MYT1L: variants seen among roughly 807,000 people sequenced by gnomAD.
MYT1L encodes the protein myelin transcription factor 1-like protein.
Under a neutral mutation model 126.7 loss-of-function variants are expected in MYT1L, and 12 were observed. The ratio of observed to expected loss-of-function variants is 0.09; its 90% CI spans 0.06 to 0.15. MYT1L has a LOEUF of 0.15. Among genes scored for constraint, MYT1L ranks in the 10% least tolerant of loss-of-function variants. The pLI is 1.00. For missense variants in MYT1L, 979 were observed against 1,585.2 expected (o/e 0.62, Z 6.49); for synonymous variants, 541 against 604.2 (o/e 0.90, Z 1.53).
chr2:2,166,846 C>A (rs576049277), intron 3 of MYT1L, among the ~76,000 whole-genome samples: 14 of 152,246 alleles, frequency 9.2e-5, no homozygotes, highest in African/African-American at 3.1e-4. Flanking sequence ...CAAATACAAG[C>A]AAATACATAT....
intron 21 of MYT1L, among the ~76,000 whole-genome samples, chr2:1,835,841 A>G (rs899129297): frequency 6.6e-6 from 1 of 152,188 alleles, no homozygotes; most frequent in East Asian, 1.9e-4. Flanking sequence ...CAGCCAGCCC[A>G]TGGCAGGGCT....
At chr2:2,053,193 A>T (rs1356043619) in intron 4 of MYT1L, among the ~76,000 whole-genome samples, 1 of 152,182 alleles carries the variant, frequency 6.6e-6, no homozygotes, top group Non-Finnish European at 1.5e-5. Context: ...CACTCACATG[A>T]GGTAAGACTA....
chr2:1,955,658 C>T (rs1413566312), intron 8 of MYT1L, among the ~76,000 whole-genome samples: 16 of 152,144 alleles, frequency 1.1e-4, no homozygotes, highest in Admixed American at 9.8e-4. Flanking sequence ...GGATTAAGAA[C>T]GTTTGCTCCA....
chr2:1,863,930 C>T (rs1375011542), intron 18 of MYT1L, among the ~76,000 whole-genome samples: 2 of 152,182 alleles, frequency 1.3e-5, no homozygotes, highest in Non-Finnish European at 2.9e-5. Flanking sequence ...GAGGAAAGAA[C>T]GGCTGCCTTG....
chr2:2,200,492 G>A (rs995243563), intron 2 of MYT1L, among the ~76,000 whole-genome samples: 6 of 152,086 alleles, frequency 3.9e-5, no homozygotes, highest in Non-Finnish European at 7.3e-5. Flanking sequence ...CCTCCTACAC[G>A]ACTGCTGTGA....
chr2:2,250,416 A>G (rs1296321294), intron 2 of MYT1L, among the ~76,000 whole-genome samples: 1 of 152,216 alleles, frequency 6.6e-6, no homozygotes, highest in Non-Finnish European at 1.5e-5. Flanking sequence ...GCACAGAAAG[A>G]CAAACATTAC....
At chr2:1,911,271 A>G (rs2051929150) in intron 12 of MYT1L, among the ~76,000 whole-genome samples, 1 of 152,190 alleles carries the variant, frequency 6.6e-6, no homozygotes, top group South Asian at 2.1e-4. Flanking sequence ...ACAAGCAAAA[A>G]TTAGAGTGAA....
At chr2:2,050,636 C>T (rs1330822086) in intron 4 of MYT1L, among the ~76,000 whole-genome samples, 1 of 152,104 alleles carries the variant, frequency 6.6e-6, no homozygotes, top group African/African-American at 2.4e-5. Flanking sequence ...TAAGATCAAG[C>T]CCCAAAGTCC....
In MYT1L at chr2:1,956,574, T is replaced by TTCTTTCTATCTA. The variant is rs1369480046; in HGVS notation, c.153-13241_153-13240insTAGATAGAAAGA. ...CATCTATCCTATTCTATATTTCCTA[T>TTCTTTCTATCTA]TCTATCTATCTATCTATCTATCTAT... On this transcript the variant is annotated intron_variant, in intron 8 of 24. Transcript: ENST00000647738. Among the ~76,000 whole-genome samples, 660 of 101,648 alleles carry TTCTTTCTATCTA rather than the reference T, an allele frequency of 6.5e-3. 17 individuals carry two copies. Among genetic ancestry groups the TTCTTTCTATCTA allele is most frequent in the East Asian group, 0.014 (48 of 3,328 alleles). The allele number at this position is 101,648 out of a possible 152,430, so 66.7% of individuals were successfully genotyped here.
chr2:1,976,764 G>A (rs950651478), intron 8 of MYT1L, among the ~76,000 whole-genome samples: 1 of 152,194 alleles, frequency 6.6e-6, no homozygotes, highest in African/African-American at 2.4e-5. Flanking sequence ...TTAAGTTTAA[G>A]AAATTAAAAT....
intron 21 of MYT1L, among the ~76,000 whole-genome samples, chr2:1,817,427 C>T (rs2037839402): frequency 6.6e-6 from 1 of 152,216 alleles, no homozygotes. Flanking sequence ...TCTTCACTCT[C>T]AGTTAATAAA....
chr2:1,832,722 C>A (rs1318072327), intron 21 of MYT1L, among the ~76,000 whole-genome samples: 1 of 152,180 alleles, frequency 6.6e-6, no homozygotes, highest in Non-Finnish European at 1.5e-5. Context: ...CTCAATGTAA[C>A]CTTCCTCCCT....
chr2:2,039,886 G>A (rs1053885206), intron 4 of MYT1L, among the ~76,000 whole-genome samples: 5 of 152,174 alleles, frequency 3.3e-5, no homozygotes, highest in Non-Finnish European at 5.9e-5. Flanking sequence ...GATCAAACCA[G>A]GAGACCCTTA....
intron 5 of MYT1L, among the ~76,000 whole-genome samples, chr2:1,992,964 T>C (rs71442314): frequency 0.026 from 3,913 of 152,242 alleles, 66 homozygotes; most frequent in Non-Finnish European, 0.04. Flanking sequence ...TCATCTGATC[T>C]TATGGCCCCA....
chr2:2,166,246 A>T (rs1366916702), intron 3 of MYT1L, among the ~76,000 whole-genome samples: 1 of 152,000 alleles, frequency 6.6e-6, no homozygotes, highest in Non-Finnish European at 1.5e-5. Flanking sequence ...TGTTTTGTCT[A>T]CAGGTCACTC....
intron 21 of MYT1L, among the ~76,000 whole-genome samples, chr2:1,823,411 C>G (rs1241993760): frequency 6.6e-6 from 1 of 152,178 alleles, no homozygotes; most frequent in Non-Finnish European, 1.5e-5. Context: ...TCAGGTCCAC[C>G]CTATCTGGCT....
intron 2 of MYT1L, among the ~76,000 whole-genome samples, chr2:2,209,341 T>A (rs944422967): frequency 1.3e-5 from 2 of 152,180 alleles, no homozygotes; most frequent in African/African-American, 4.8e-5. Flanking sequence ...ATACTAAGTC[T>A]TATTCATTCT....
chr2:2,007,452 T>A (rs2063442461), intron 4 of MYT1L, among the ~76,000 whole-genome samples: 1 of 152,240 alleles, frequency 6.6e-6, no homozygotes. Flanking sequence ...AAACTGTCTG[T>A]GCCTTTCTCC....
At chr2:1,810,711 A>G (rs189943219) in intron 21 of MYT1L, among the ~76,000 whole-genome samples, 9 of 152,328 alleles carry the variant, frequency 5.9e-5, no homozygotes, top group Admixed American at 3.9e-4. Flanking sequence ...GAAAATTCAT[A>G]GCAGAAGAAC....
Sources: allele counts gnomAD v4.1 joint callset (sites outside exome capture counted in the v4.1 genomes callset), GRCh38; gene constraint gnomAD v4.1.1; transcripts MANE v1.5; gene names NCBI Gene and HGNC (gene_info 2026-07-23, HGNC 2026-07-21).